CFAP58: variants seen among roughly 807,000 people sequenced by gnomAD.
The protein encoded by CFAP58 is cilia and flagella associated protein 58, also known as cilia- and flagella-associated protein 58.
In CFAP58, 88 loss-of-function variants were observed where a neutral mutation model predicts 119.5. The ratio of observed to expected loss-of-function variants is 0.74; its 90% CI spans 0.62 to 0.88. The LOEUF (loss-of-function observed/expected upper bound fraction) is 0.88, where lower values mean the gene tolerates loss of function less well. Among genes scored for constraint, CFAP58 ranks in the 40% least tolerant of loss-of-function variants. The pLI is 0.00. For missense variants in CFAP58, 990 were observed against 1,021.2 expected, an observed-to-expected ratio of 0.97 and a Z score of 0.42; for synonymous variants, 365 against 366.3, an observed-to-expected ratio of 1.00 and a Z score of 0.04.
chr10:104,368,423 A>T lies in CFAP58; in HGVS notation c.793A>T (p.Ile265Leu), dbSNP rs148351804. The change falls in exon 6 of 18, where the codon ATA becomes TTA. Residue 265 changes from isoleucine (I) to leucine (L), a missense_variant and splice_region_variant. Transcript: ENST00000369704. ...AACCAGCTCATTCCATCCCTTTCAG[A>T]TATTGAATGAGAGAGCTGCAAAGGA... ...KLEQQLKEQKILNERAAKELE... is the reference protein window; with the variant it reads ...KLEQQLKEQKLLNERAAKELE... The T allele has an allele frequency of 3.7e-6, 6 of 1,613,676 alleles. No individual in the cohort carries two copies. In the East Asian group the frequency reaches 1.3e-4, roughly 36 times the overall value.
At chr10:104,435,985 C>A (rs1007404946) in intron 15 of CFAP58, among the ~76,000 whole-genome samples, 9 of 152,142 alleles carry the variant, frequency 5.9e-5, no homozygotes, top group African/African-American at 1.9e-4. Context: ...GTGCCAGAGT[C>A]ATTTCCGACT....
At chr10:104,353,945 C>T in intron 1 of CFAP58, 39 bp downstream of exon 1, 1 of 1,610,510 alleles carries the variant, frequency 6.2e-7, no homozygotes, top group South Asian at 1.1e-5. Flanking sequence ...TTCCCTTGAC[C>T]CCTCCCCATT....
At chr10:104,409,012 A>T (rs1271465368) in intron 15 of CFAP58, among the ~76,000 whole-genome samples, 1 of 152,018 alleles carries the variant, frequency 6.6e-6, no homozygotes, top group East Asian at 1.9e-4. Context: ...AGGTGGGAGA[A>T]TTGCTTGAGC....
At chr10:104,382,928 T>C (rs2011845213) in intron 9 of CFAP58, among the ~76,000 whole-genome samples, 1 of 152,160 alleles carries the variant, frequency 6.6e-6, no homozygotes, top group African/African-American at 2.4e-5. Context: ...CAGTGGCACA[T>C]GGGAATAAGG....
At chr10:104,358,753 A>G (rs1564877167) in intron 2 of CFAP58, 131 bp downstream of exon 2, 1 of 731,804 alleles carries the variant, frequency 1.4e-6, no homozygotes, top group African/African-American at 1.8e-5. Flanking sequence ...CATTAAGCCT[A>G]AGGAATAATG....
intron 3 of CFAP58, among the ~76,000 whole-genome samples, chr10:104,363,635 T>G (rs1361696086): frequency 6.6e-6 from 1 of 152,140 alleles, no homozygotes; most frequent in Non-Finnish European, 1.5e-5. Flanking sequence ...AGCCAATAAT[T>G]TTATCTTTAA....
At chr10:104,381,991 C>T (rs980017296) in intron 9 of CFAP58, 2 of 643,902 alleles carry the variant, frequency 3.1e-6, no homozygotes, top group Non-Finnish European at 5.8e-6. Context: ...ACGTTAGCTT[C>T]TGTATTCATC....
intron 10 of CFAP58, 106 bp downstream of exon 10, chr10:104,392,500 C>A: frequency 1.3e-6 from 1 of 753,894 alleles, no homozygotes; most frequent in Non-Finnish European, 2.0e-6. Context: ...AAAAAAAAAA[C>A]TCATGGAATT....
At chr10:104,387,767 G>C (rs1198725598) in intron 9 of CFAP58, among the ~76,000 whole-genome samples, 1 of 152,128 alleles carries the variant, frequency 6.6e-6, no homozygotes, top group African/African-American at 2.4e-5. Context: ...TGATGCACTT[G>C]CCTCATTTTA....
chr10:104,434,393 C>G (rs2012897311), intron 15 of CFAP58, among the ~76,000 whole-genome samples: 1 of 152,178 alleles, frequency 6.6e-6, no homozygotes, highest in Non-Finnish European at 1.5e-5. Flanking sequence ...TAGGCTGACT[C>G]TTGATCCCAG....
chr10:104,405,167 G>A lies in CFAP58; in HGVS notation c.2151+1327G>A, dbSNP rs142638999. 2.5e-3 allele frequency among the ~76,000 whole-genome samples: 387 copies of A among 152,348 alleles called. 4 individuals carry two copies. Among genetic ancestry groups the A allele is most frequent in the East Asian group, 0.022 (115 of 5,182 alleles). ...TTAACAGCGTCCAACCCTGCCGGGT[G>A]AATGTGTGCCAAATCTAGTCCCAAT... On this transcript the variant is annotated intron_variant, in intron 14 of 17. Transcript: ENST00000369704.
At chr10:104,437,940 A>G (rs944733111) in intron 15 of CFAP58, among the ~76,000 whole-genome samples, 1 of 152,222 alleles carries the variant, frequency 6.6e-6, no homozygotes, top group African/African-American at 2.4e-5. Context: ...TTCTATATCC[A>G]GAATATATAA....
intron 3 of CFAP58, among the ~76,000 whole-genome samples, chr10:104,362,877 C>G (rs1004900664): frequency 1.3e-5 from 2 of 152,218 alleles, no homozygotes; most frequent in Non-Finnish European, 2.9e-5. Flanking sequence ...ACTGTGTCAT[C>G]CAGAGCCCTT....
At chr10:104,364,965 C>A (rs1376379265) in intron 4 of CFAP58, 76 bp downstream of exon 4, 5 of 1,469,292 alleles carry the variant, frequency 3.4e-6, no homozygotes, top group Non-Finnish European at 4.6e-6. Flanking sequence ...CTATTCCCAT[C>A]TTGCTCCTTT....
chr10:104,416,297 G>A (rs1013814033), intron 15 of CFAP58, among the ~76,000 whole-genome samples: 7 of 152,258 alleles, frequency 4.6e-5, no homozygotes, highest in Middle Eastern at 3.4e-3. Context: ...GTTCAAGTTC[G>A]TGTTGCTTTA....
chr10:104,422,665 A>G (rs1182223922), intron 15 of CFAP58, among the ~76,000 whole-genome samples: 6 of 152,118 alleles, frequency 3.9e-5, no homozygotes, highest in African/African-American at 1.4e-4. Flanking sequence ...TGTCTGAACT[A>G]CCTGTCTCCA....
intron 15 of CFAP58, among the ~76,000 whole-genome samples, chr10:104,435,674 C>T (rs892241300): frequency 6.6e-5 from 10 of 152,152 alleles, no homozygotes; most frequent in Non-Finnish European, 1.5e-5. Context: ...CTCCTGTTCC[C>T]TAGAATGTTA....
chr10:104,441,096 A>T (rs539357090), intron 15 of CFAP58, among the ~76,000 whole-genome samples: 1 of 152,166 alleles, frequency 6.6e-6, no homozygotes, highest in Non-Finnish European at 1.5e-5. Context: ...TCTGCCTCCC[A>T]GGTTCAAGTG....
At chr10:104,354,348 T>G (rs1302629882) in intron 1 of CFAP58, among the ~76,000 whole-genome samples, 1 of 152,056 alleles carries the variant, frequency 6.6e-6, no homozygotes, top group Non-Finnish European at 1.5e-5. Context: ...CACCCTGATT[T>G]CCTAACATGT....
Sources: gnomAD v4.1 joint callset for allele counts (sites outside exome capture counted in the v4.1 genomes callset) on GRCh38, gnomAD v4.1.1 for gene constraint, MANE v1.5 for transcripts, NCBI Gene and HGNC (gene_info 2026-07-23, HGNC 2026-07-21) for gene names.